Variants in MYEF2 observed in about 807,000 individuals in gnomAD.
MYEF2 encodes myelin expression factor 2, also known as myelin gene expression factor 2.
A neutral mutation model predicts 75.2 loss-of-function variants in MYEF2; 37 were observed. The ratio of observed to expected loss-of-function variants is 0.49; its 90% confidence interval spans 0.38 to 0.65. The LOEUF is 0.65. MYEF2 is among the 30% of genes least tolerant of loss of function. The pLI is 0.00. For missense variants in MYEF2, 634 were observed against 771.4 expected (o/e 0.82, Z 2.11); for synonymous variants, 195 against 241.6 (o/e 0.81, Z 1.79).
intron 1 of MYEF2, among the ~76,000 whole-genome samples, chr15:48,175,586 T>G (rs532464486): frequency 6.6e-6 from 1 of 152,242 alleles, no homozygotes; most frequent in African/African-American, 2.4e-5. Context: ...AAATATACAA[T>G]TTTTGTCAAT....
chr15:48,151,106 C>T lies in MYEF2; in HGVS notation c.1372G>A (p.Gly458Arg). Residue 458 changes from glycine (G) to arginine (R), a missense_variant, in exon 14 of 17, where the codon GGA (glycine) becomes AGA (arginine). Physicochemically the swap from Gly to Arg is moderately radical, Grantham distance 125. Coordinates refer to ENST00000324324, the MANE Select transcript of MYEF2 (RefSeq NM_016132.5). ...GSSNMGPVGS[G>R]ISGGMGSMNS... is the part of the protein sequence containing the mutation. ...TAGTAAAATTTAAACCTACTTATTC[C>T]AGATCCTACTGGACCCATGTTAGAA... is the stretch of plus-strand genomic sequence containing the variant. 2 of 1,604,932 alleles carry T rather than the reference C, an allele frequency of 1.2e-6. No individual in the cohort carries two copies. Among genetic ancestry groups the T allele is most frequent in the South Asian group, 1.1e-5 (1 of 89,630 alleles).
chr15:48,159,641 C>G lies in MYEF2; in HGVS notation c.689G>C (p.Arg230Thr), dbSNP rs374079897. 1.3e-4 allele frequency: 202 copies of G among 1,612,436 alleles called. No homozygotes were observed. Among genetic ancestry groups the G allele is most frequent in the Non-Finnish European group, 1.5e-4 (177 of 1,179,542 alleles). The change falls in exon 6 of 17, where the codon AGA (arginine) becomes ACA (threonine). Residue 230 changes from arginine to threonine, a missense_variant. By Grantham distance (71) the Arg-to-Thr change is moderately conservative. Transcript: ENST00000324324. Reference protein sequence around the residue: ...PEVISNLQAGRLGSTIFVANL... With the variant: ...PEVISNLQAGTLGSTIFVANL... ...GGCAACAAAAATTGTGGAACCAAGT[C>G]TACCGGCCTGCAAATTACTGATGAC...
intron 5 of MYEF2, 76 bp from the exon 6 acceptor site, chr15:48,159,880 C>G: frequency 7.2e-7 from 1 of 1,398,224 alleles, no homozygotes; most frequent in Non-Finnish European, 9.8e-7. Flanking sequence ...AATTTAAATT[C>G]TACAGTAGCT....
intron 1 of MYEF2, among the ~76,000 whole-genome samples, chr15:48,171,265 A>G (rs976482665): frequency 6.6e-6 from 1 of 152,216 alleles, no homozygotes. Flanking sequence ...CAGTAAGCAG[A>G]TATCTATATA....
intron 16 of MYEF2, among the ~76,000 whole-genome samples, chr15:48,143,643 G>C (rs1036379493): frequency 1.3e-5 from 2 of 151,968 alleles, no homozygotes; most frequent in Non-Finnish European, 2.9e-5. Context: ...AAAGTCTTAA[G>C]AATGGCACCA....
At chr15:48,156,884 A>T (rs1346717274) in intron 9 of MYEF2, among the ~76,000 whole-genome samples, 1 of 152,108 alleles carries the variant, frequency 6.6e-6, no homozygotes, top group Non-Finnish European at 1.5e-5. Flanking sequence ...TGTGTAGTCA[A>T]ATTATTAAAA....
chr15:48,141,844 TAA>T lies in MYEF2; in HGVS notation c.*1062_*1063del. 1 of 408,434 alleles carries T rather than the reference TAA, an allele frequency of 2.4e-6. No individual in the cohort carries two copies. Among genetic ancestry groups the T allele is most frequent in the East Asian group, 3.7e-5 (1 of 27,142 alleles). The allele number at this position is 408,434 out of a possible 1,614,324, so 25.3% of individuals were successfully genotyped here. On this transcript the variant is annotated 3_prime_UTR_variant, in exon 17 of 17. Coordinates refer to ENST00000324324, the MANE Select transcript of MYEF2 (RefSeq NM_016132.5). ...ATAAATATAATTATTAAATAAATGT[TAA>T]GACTTTAAATACTAACCCAAGAAAA... is the stretch of plus-strand genomic sequence containing the variant.
intron 5 of MYEF2, among the ~76,000 whole-genome samples, chr15:48,164,693 A>C (rs1451075395): frequency 6.6e-6 from 1 of 152,098 alleles, no homozygotes; most frequent in East Asian, 1.9e-4. Context: ...AGCCACCCCA[A>C]ACTTTAGTAA....
chr15:48,152,153 T>C, intron 11 of MYEF2, 81 bp downstream of exon 11: 1 of 1,395,402 alleles, frequency 7.2e-7, no homozygotes, highest in African/African-American at 1.4e-5. Flanking sequence ...ATGACTTTTT[T>C]TTCATGGAAT....
intron 14 of MYEF2, among the ~76,000 whole-genome samples, chr15:48,150,606 A>G (rs2039456340): frequency 6.6e-6 from 1 of 152,032 alleles, no homozygotes; most frequent in Admixed American, 6.6e-5. Flanking sequence ...TCTTGATGCT[A>G]TTACGGGAAA....
At position 48,151,247 on chromosome 15, in the gene MYEF2, C is replaced by T. The variant is rs1055048401; in HGVS notation, c.1307-76G>A. 33 of 1,262,228 alleles carry T rather than the reference C, an allele frequency of 2.6e-5. No homozygotes were observed. In the Admixed American group the frequency reaches 3.1e-4, roughly 12 times the overall value. The allele number at this position is 1,262,228 out of a possible 1,614,324, so 78.2% of individuals were successfully genotyped here. On this transcript the variant is annotated intron_variant, in intron 13 of 16. Coordinates refer to ENST00000324324, the MANE Select transcript of MYEF2 (RefSeq NM_016132.5). ...TTTAAAATTCCCAAGGTACTATGTG[C>T]TCTGATTTACAATAAATGAAAAGCA...
Position 48,137,205 on chromosome 15 carries a change from A to G in MYEF2, c.*5703T>C. On this transcript the variant is annotated 3_prime_UTR_variant, in exon 17 of 17. Transcript: ENST00000324324. ...AATAAAGTGTGACTGTGGTTCACAA[A>G]TGGGACAGATTGCCAAAATGTGGTG... is the stretch of plus-strand genomic sequence containing the variant. 2.4e-6 allele frequency: 1 copy of G among 422,338 alleles called. No individual in the cohort carries two copies. Among genetic ancestry groups the G allele is most frequent in the Non-Finnish European group, 4.2e-6 (1 of 240,556 alleles). The allele number at this position is 422,338 out of a possible 1,614,324, so 26.2% of individuals were successfully genotyped here.
chr15:48,136,645 T>C lies in MYEF2; in HGVS notation c.*6263A>G, dbSNP rs76246781. ...AAAGCTATCAACTCTAAAATGACTT[T>C]CACTTTTAATTTAAAAACACAAATT... On this transcript the variant is annotated 3_prime_UTR_variant, in exon 17 of 17. Coordinates refer to ENST00000324324, the MANE Select transcript of MYEF2 (RefSeq NM_016132.5). The C allele has an allele frequency of 6.4e-7, 1 of 1,552,390 alleles. No individual in the cohort carries two copies. Among genetic ancestry groups the C allele is most frequent in the East Asian group, 2.3e-5 (1 of 44,320 alleles).
chr15:48,134,966 A>G lies in MYEF2; in HGVS notation c.*7942T>C. 1.9e-6 allele frequency: 3 copies of G among 1,608,876 alleles called. No homozygotes were observed. The highest frequency in any genetic ancestry group is 2.6e-6 in the Non-Finnish European group (3 of 1,176,086). ...GCAGCAGCAGTTCTTGGTATAATATATGACAACCAAGTTTACTGGTAAGCT... is the reference window on the plus strand; with the variant it reads ...GCAGCAGCAGTTCTTGGTATAATATGTGACAACCAAGTTTACTGGTAAGCT... On this transcript the variant is annotated 3_prime_UTR_variant, in exon 17 of 17. Transcript: ENST00000324324.
chr15:48,152,305 T>C (rs1329121507), intron 10 of MYEF2, 21 bp from the exon 11 acceptor site: 5 of 1,582,360 alleles, frequency 3.2e-6, no homozygotes, highest in African/African-American at 2.7e-5. Context: ...ATACACAGTA[T>C]GTACTTTAAG....
chr15:48,136,982 C>T lies in MYEF2; in HGVS notation c.*5926G>A, dbSNP rs1366258412. On this transcript the variant is annotated 3_prime_UTR_variant, in exon 17 of 17. Coordinates refer to ENST00000324324, the MANE Select transcript of MYEF2 (RefSeq NM_016132.5). ...TCTGAAGGTAATCACTAAATCTTGC[C>T]CATTATTAAGTCTATTCGCAAAGGA... is the stretch of plus-strand genomic sequence containing the variant. 6.3e-7 allele frequency: 1 copy of T among 1,595,810 alleles called. No individual in the cohort carries two copies. Among genetic ancestry groups the T allele is most frequent in the Admixed American group, 1.7e-5 (1 of 58,524 alleles).
Position 48,175,504 on chromosome 15 carries a change from C to T in MYEF2, c.161+2573G>A, listed in dbSNP as rs142747855. ...TGGTAGCTATGCGAGGTAACAGATA[C>T]GTTAATTAGCGTGATTGTGGTAATC... On this transcript the variant is annotated intron_variant, in intron 1 of 16. Coordinates refer to ENST00000324324, the MANE Select transcript of MYEF2 (RefSeq NM_016132.5). 7.8e-4 allele frequency among the ~76,000 whole-genome samples: 118 copies of T among 152,190 alleles called. 1 individual carries two copies. The East Asian group carries it at 0.018, about 23-fold the overall frequency.
chr15:48,166,205 C>G lies in MYEF2; in HGVS notation c.424-77G>C, dbSNP rs58463260. 784 of 1,184,688 alleles carry G rather than the reference C, an allele frequency of 6.6e-4. 2 individuals carry two copies. In the African/African-American group the frequency reaches 0.012, roughly 17 times the overall value. 73.4% of individuals were successfully genotyped at this position (1,184,688 alleles called of 1,614,324 possible). On this transcript the variant is annotated intron_variant, in intron 3 of 16. Coordinates refer to ENST00000324324, the MANE Select transcript of MYEF2 (RefSeq NM_016132.5). ...CAGTACATGAAGTTAATAATCAGTT[C>G]TAACATTTCAATCATTAAGGCAATT...
At chr15:48,162,256 C>A (rs1322789056) in intron 5 of MYEF2, among the ~76,000 whole-genome samples, 2 of 152,152 alleles carry the variant, frequency 1.3e-5, no homozygotes, top group South Asian at 4.2e-4. Context: ...CTAAAGCTAA[C>A]GTTTATTATG....
Sources: gnomAD v4.1 joint callset for allele counts (sites outside exome capture counted in the v4.1 genomes callset) on GRCh38, gnomAD v4.1.1 for gene constraint, MANE v1.5 for transcripts, NCBI Gene and HGNC (gene_info 2026-07-23, HGNC 2026-07-21) for gene names.